NOS1AP: variants seen among roughly 807,000 people sequenced by gnomAD.
NOS1AP encodes carboxyl-terminal PDZ ligand of neuronal nitric oxide synthase protein.
In NOS1AP, 21 loss-of-function variants were observed where a neutral mutation model predicts 56.2. The ratio of observed to expected loss-of-function variants is 0.37; its 90% CI spans 0.26 to 0.54. The LOEUF is 0.54. Ranked by LOEUF, NOS1AP falls within the 20% of genes least tolerant of loss-of-function variation. NOS1AP has a pLI of 0.84. For synonymous variants in NOS1AP, 270 were observed against 274.6 expected, an observed-to-expected ratio of 0.98 and a Z score of 0.17; for missense variants, 522 against 657.8, an observed-to-expected ratio of 0.79 and a Z score of 2.26.
chr1:162,289,469 C>CTTTTTT (rs60010458), intron 3 of NOS1AP, among the ~76,000 whole-genome samples: 32 of 85,462 alleles, frequency 3.7e-4, no homozygotes, highest in African/African-American at 1.6e-3. Flanking sequence ...AGCTACTTTT[C>CTTTTTT]TTTTTTTTTT....
chr1:162,251,538 C>T (rs1653847764), intron 2 of NOS1AP, among the ~76,000 whole-genome samples: 1 of 151,900 alleles, frequency 6.6e-6, no homozygotes, highest in Non-Finnish European at 1.5e-5. Context: ...AAAGTTGACT[C>T]CCAAGGAGAC....
At chr1:162,217,281 T>TTTTTTTTTTTTTTTTTTTTTTTTTAA in intron 2 of NOS1AP, among the ~76,000 whole-genome samples, 1 of 143,166 alleles carries the variant, frequency 7.0e-6, no homozygotes, top group African/African-American at 2.6e-5. Context: ...TTTTTTTTTT[T>TTTTTTTTTTTTTTTTTTTTTTTTTAA]GAGATGAAGT....
At chr1:162,169,721 A>G (rs1164273078) in intron 2 of NOS1AP, among the ~76,000 whole-genome samples, 3 of 152,178 alleles carry the variant, frequency 2.0e-5, no homozygotes, top group Non-Finnish European at 4.4e-5. Context: ...TCATGTCTCT[A>G]TTCAAAAACT....
At chr1:162,161,236 G>A (rs563746351) in intron 2 of NOS1AP, among the ~76,000 whole-genome samples, 1 of 152,276 alleles carries the variant, frequency 6.6e-6, no homozygotes, top group East Asian at 1.9e-4. Context: ...GTCATGTGAG[G>A]TAACACATTC....
intron 2 of NOS1AP, among the ~76,000 whole-genome samples, chr1:162,203,896 G>T (rs1045992693): frequency 6.6e-6 from 1 of 152,126 alleles, no homozygotes; most frequent in Admixed American, 6.5e-5. Context: ...AGCACCAAGG[G>T]TCAGCCCATA....
intron 2 of NOS1AP, among the ~76,000 whole-genome samples, chr1:162,211,131 G>T (rs1652335599): frequency 2.0e-5 from 3 of 152,254 alleles, no homozygotes; most frequent in African/African-American, 7.2e-5. Context: ...TGGTACTTGA[G>T]ACTGGAGAGA....
chr1:162,279,705 T>A (rs1191474446), intron 2 of NOS1AP, among the ~76,000 whole-genome samples: 1 of 152,212 alleles, frequency 6.6e-6, no homozygotes, highest in African/African-American at 2.4e-5. Flanking sequence ...TGCTTTCTGT[T>A]ATAAAATGGG....
In NOS1AP at chr1:162,320,040, C is replaced by T. The variant is rs183360709; in HGVS notation, c.345-12977C>T. ...TCCTCCGCGTTTCACTGGCTCCATT[C>T]CTCTGTCCGCACTTGCCACACCCTG... On this transcript the variant is annotated intron_variant, in intron 4 of 9. Coordinates refer to ENST00000361897, the MANE Select transcript of NOS1AP (RefSeq NM_014697.3). Among the ~76,000 whole-genome samples, 97 of 152,260 alleles carry T rather than the reference C, an allele frequency of 6.4e-4. 1 individual carries two copies. Among genetic ancestry groups the T allele is most frequent in the Middle Eastern group, 3.4e-3 (1 of 294 alleles).
chr1:162,134,184 G>C (rs1480092786), intron 1 of NOS1AP, among the ~76,000 whole-genome samples: 1 of 152,004 alleles, frequency 6.6e-6, no homozygotes, highest in African/African-American at 2.4e-5. Context: ...TGGTATAATG[G>C]ATAATTTATC....
At chr1:162,249,625 AATCATCT>A (rs1653786747) in intron 2 of NOS1AP, among the ~76,000 whole-genome samples, 1 of 152,200 alleles carries the variant, frequency 6.6e-6, no homozygotes, top group Admixed American at 6.5e-5. Context: ...GAGCTCAATT[AATCATCT>A]ATTCAATGGT....
chr1:162,089,051 C>T (rs913681093), intron 1 of NOS1AP, among the ~76,000 whole-genome samples: 13 of 152,168 alleles, frequency 8.5e-5, no homozygotes, highest in Admixed American at 6.5e-4. Flanking sequence ...GACCTGGTAT[C>T]TTTTAATGCA....
At chr1:162,200,433 T>C (rs1201631076) in intron 2 of NOS1AP, among the ~76,000 whole-genome samples, 1 of 152,214 alleles carries the variant, frequency 6.6e-6, no homozygotes, top group Non-Finnish European at 1.5e-5. Flanking sequence ...GGCTGCAGGC[T>C]ACCAGCCTTC....
At chr1:162,291,732 C>T (rs1450900568) in intron 3 of NOS1AP, among the ~76,000 whole-genome samples, 2 of 152,158 alleles carry the variant, frequency 1.3e-5, no homozygotes, top group East Asian at 3.8e-4. Context: ...GATAATGAAT[C>T]TCAAATTCTT....
intron 5 of NOS1AP, chr1:162,342,671 A>G (rs1238197354): frequency 2.3e-6 from 1 of 438,248 alleles, no homozygotes; most frequent in Non-Finnish European, 4.7e-6. Context: ...AACACTGGAT[A>G]TCAGTTAGGT....
At chr1:162,205,702 T>C (rs183975161) in intron 2 of NOS1AP, among the ~76,000 whole-genome samples, 85 of 152,338 alleles carry the variant, frequency 5.6e-4, no homozygotes, top group Non-Finnish European at 6.5e-4. Flanking sequence ...TGATTCTCAG[T>C]TTGGGAATTG....
intron 2 of NOS1AP, among the ~76,000 whole-genome samples, chr1:162,193,772 T>G (rs1651716960): frequency 6.6e-6 from 1 of 152,344 alleles, no homozygotes; most frequent in South Asian, 2.1e-4. Context: ...TATTTCTTCC[T>G]GACCCTTTTT....
At chr1:162,219,313 G>A (rs1652688371) in intron 2 of NOS1AP, among the ~76,000 whole-genome samples, 1 of 152,190 alleles carries the variant, frequency 6.6e-6, no homozygotes, top group Non-Finnish European at 1.5e-5. Flanking sequence ...CTAAGGACAG[G>A]GGAAGCTAGA....
intron 8 of NOS1AP, 33 bp downstream of exon 8, chr1:162,357,169 T>C (rs112495976): frequency 6.3e-7 from 1 of 1,595,324 alleles, no homozygotes; most frequent in East Asian, 2.2e-5. Context: ...CTTCGCAGGC[T>C]CCACTCTCAT....
chr1:162,255,490 A>ATTTTTTTTT lies in NOS1AP; in HGVS notation c.178-31827_178-31819dup, dbSNP rs35637289. On this transcript the variant is annotated intron_variant, in intron 2 of 9. Coordinates refer to ENST00000361897, the MANE Select transcript of NOS1AP (RefSeq NM_014697.3). The stretch of plus-strand genomic sequence containing the variant: ...ATGCATAGGTTATTTGCTGCTGCTG[A>ATTTTTTTTT]TTTTTTTTTTTTTTTTTTTTTTTTT... 2.0e-3 allele frequency among the ~76,000 whole-genome samples: 119 copies of ATTTTTTTTT among 60,984 alleles called. 16 individuals are homozygous for ATTTTTTTTT. Among genetic ancestry groups the ATTTTTTTTT allele is most frequent in the Non-Finnish European group, 2.6e-3 (72 of 28,172 alleles). The allele number at this position is 60,984 out of a possible 152,430, so 40.0% of individuals were successfully genotyped here.
Sources: gnomAD v4.1 joint callset for allele counts (sites outside exome capture counted in the v4.1 genomes callset) on GRCh38, gnomAD v4.1.1 for gene constraint, MANE v1.5 for transcripts, NCBI Gene and HGNC (gene_info 2026-07-23, HGNC 2026-07-21) for gene names.